UBASH3B: variants seen among roughly 807,000 people sequenced by gnomAD.
UBASH3B encodes ubiquitin associated and SH3 domain containing B.
In UBASH3B, 37 loss-of-function variants were observed where a neutral mutation model predicts 83.4. That is an observed-to-expected ratio of 0.44 (90% CI 0.34 to 0.58). The LOEUF (loss-of-function observed/expected upper bound fraction) is 0.58, where lower values mean the gene tolerates loss of function less well. Among genes scored for constraint, UBASH3B ranks in the 20% least tolerant of loss-of-function variants. The pLI, the probability that UBASH3B is intolerant of heterozygous loss-of-function variation, is 0.01. For missense variants in UBASH3B, 657 were observed against 827.2 expected (o/e 0.79, Z 2.52); for synonymous variants, 304 against 318.3 (o/e 0.96, Z 0.48).
chr11:122,767,306 T>TTTTTGTTTTGTTTTG (rs149424023), intron 1 of UBASH3B, among the ~76,000 whole-genome samples: 140 of 150,044 alleles, frequency 9.3e-4, no homozygotes, highest in African/African-American at 1.8e-3. Flanking sequence ...TAAAGGTTTC[T>TTTTTGTTTTGTTTTG]TTTTGTTTTG....
At position 122,759,094 on chromosome 11, in the gene UBASH3B, G is replaced by A. The variant is rs529984426; in HGVS notation, c.162-17125G>A. 2.0e-5 allele frequency among the ~76,000 whole-genome samples: 3 copies of A among 152,320 alleles called. No homozygotes were observed. The highest frequency in any genetic ancestry group is 1.9e-4 in the East Asian group (1 of 5,180). ...TTGCAGTCAAGGTGTTGGCCAGGCC[G>A]TGTTCTCACCAGAAAGCTTGACTAA... On this transcript the variant is annotated intron_variant, in intron 1 of 13. Transcript: ENST00000284273. This position sits in a 1 kb window ranked among gnomAD's most constrained non-coding sequence, Gnocchi z 4.1.
rs560563262 is a variant in UBASH3B, at chr11:122,717,924, C to T, written c.162-58295C>T. Among the ~76,000 whole-genome samples, 384 of 119,144 alleles carry T rather than the reference C, an allele frequency of 3.2e-3. 4 individuals carry two copies. Among genetic ancestry groups the T allele is most frequent in the African/African-American group, 0.01 (346 of 33,272 alleles). The allele number at this position is 119,144 out of a possible 152,430, so 78.2% of individuals were successfully genotyped here. On this transcript the variant is annotated intron_variant, in intron 1 of 13. Transcript: ENST00000284273. ...TTTCTTTCTTTCTTTTTTTTTTTTT[C>T]GGACAAGTCTCACTCTGTCACCAGT...
At chr11:122,760,522 G>A (rs1315787836) in intron 1 of UBASH3B, among the ~76,000 whole-genome samples, 27 of 152,004 alleles carry the variant, frequency 1.8e-4, no homozygotes, top group Admixed American at 9.2e-4. Flanking sequence ...CACCGCACCT[G>A]GCTAATTTTT....
At chr11:122,745,132 C>T (rs1861097412) in intron 1 of UBASH3B, among the ~76,000 whole-genome samples, 1 of 152,196 alleles carries the variant, frequency 6.6e-6, no homozygotes, top group African/African-American at 2.4e-5. Context: ...TCCATCCACA[C>T]TGAAAGACTC....
chr11:122,670,311 C>T (rs1002462007), intron 1 of UBASH3B, among the ~76,000 whole-genome samples: 28 of 152,142 alleles, frequency 1.8e-4, no homozygotes, highest in African/African-American at 6.5e-4. Context: ...CCTCCACCTG[C>T]TGCTGCCAGA....
intron 1 of UBASH3B, among the ~76,000 whole-genome samples, chr11:122,750,264 G>C (rs1253667603): frequency 6.6e-6 from 1 of 152,038 alleles, no homozygotes; most frequent in Non-Finnish European, 1.5e-5. Flanking sequence ...CAGTTGCAGG[G>C]CCCCCCCACC....
chr11:122,698,925 G>A (rs1031498035), intron 1 of UBASH3B, among the ~76,000 whole-genome samples: 2 of 151,938 alleles, frequency 1.3e-5, no homozygotes, highest in East Asian at 1.9e-4. Flanking sequence ...ATCTCGGCTC[G>A]CTGCAACATC....
At position 122,779,532 on chromosome 11, in the gene UBASH3B, C is replaced by T. The variant is rs759874178; in HGVS notation, c.438C>T (p.Ala146=). ...GCAAGGTGGATGCCCTGGGGGAAGCCCTGCAGACCACGGTCAGTCGCTGGA... is the reference window on the plus strand; with the variant it reads ...GCAAGGTGGATGCCCTGGGGGAAGCTCTGCAGACCACGGTCAGTCGCTGGA... The part of the protein sequence containing the change: ...EDSKVDALGE[A]LQTTVSRWKC... The change falls in exon 4 of 14, where the codon GCC becomes GCT. Residue 146 remains alanine, a synonymous_variant. Coordinates refer to ENST00000284273, the MANE Select transcript of UBASH3B (RefSeq NM_032873.5). 1 of 1,614,082 alleles carries T rather than the reference C, an allele frequency of 6.2e-7. No individual in the cohort carries two copies. The highest frequency in any genetic ancestry group is 8.5e-7 in the Non-Finnish European group (1 of 1,179,994).
chr11:122,656,106 C>T lies in UBASH3B; in HGVS notation c.57C>T (p.Tyr19=), dbSNP rs1863356979. Residue 19 remains tyrosine, a synonymous_variant, in exon 1 of 14, where the codon TAC becomes TAT. Coordinates refer to ENST00000284273, the MANE Select transcript of UBASH3B (RefSeq NM_032873.5). The part of the protein sequence containing the change: ...PLGMAAREEL[Y]SKVTPRRNRQ... Reference sequence around the variant, plus strand: ...GCATGGCTGCGAGAGAGGAGCTGTACAGCAAAGTCACCCCCCGGAGGAACC... The same window carrying T: ...GCATGGCTGCGAGAGAGGAGCTGTATAGCAAAGTCACCCCCCGGAGGAACC... 4 of 1,602,316 alleles carry T rather than the reference C, an allele frequency of 2.5e-6. No individual in the cohort carries two copies. The highest frequency in any genetic ancestry group is 1.3e-5 in the African/African-American group (1 of 74,338).
At chr11:122,678,563 A>G (rs1272916185) in intron 1 of UBASH3B, among the ~76,000 whole-genome samples, 5 of 152,140 alleles carry the variant, frequency 3.3e-5, no homozygotes, top group Admixed American at 6.6e-5. Context: ...ATGACTCACT[A>G]GTATATGTGA....
intron 1 of UBASH3B, among the ~76,000 whole-genome samples, chr11:122,679,252 A>G (rs1051325546): frequency 2.0e-5 from 3 of 152,228 alleles, no homozygotes; most frequent in African/African-American, 7.2e-5. Context: ...ACGATGGATG[A>G]GAAATCCTGG....
At position 122,656,045 on chromosome 11, in the gene UBASH3B, G is replaced by A; in HGVS notation, c.-5G>A. The A allele has an allele frequency of 6.3e-7, 1 of 1,584,200 alleles. No homozygotes were observed. The highest frequency in any genetic ancestry group is 8.6e-7 in the Non-Finnish European group (1 of 1,166,970). ...CCTTCCCTGGCGATGGCTGGCCGCT[G>A]AGCCATGGCTCAGTACGGCCACCCC... On this transcript the variant is annotated 5_prime_UTR_variant, in exon 1 of 14. An upstream open reading frame in the 5' UTR loses its in-frame stop. Transcript: ENST00000284273.
chr11:122,771,454 T>C (rs1860641113), intron 1 of UBASH3B, among the ~76,000 whole-genome samples: 1 of 152,184 alleles, frequency 6.6e-6, no homozygotes, highest in African/African-American at 2.4e-5. Flanking sequence ...TTGGTCAGGC[T>C]GGTCTCGAAC....
chr11:122,750,653 G>A lies in UBASH3B; in HGVS notation c.162-25566G>A, dbSNP rs373485077. 1.6e-4 allele frequency among the ~76,000 whole-genome samples: 24 copies of A among 152,326 alleles called. No homozygotes were observed. In the East Asian group the frequency reaches 2.9e-3, roughly 18 times the overall value. Reference sequence around the variant, plus strand: ...TTGCACCTGATGGTGGTTAATAGCCGTTTTGCATCTCTAGAGTCCATTTTT... The same window carrying A: ...TTGCACCTGATGGTGGTTAATAGCCATTTTGCATCTCTAGAGTCCATTTTT... On this transcript the variant is annotated intron_variant, in intron 1 of 13. Coordinates refer to ENST00000284273, the MANE Select transcript of UBASH3B (RefSeq NM_032873.5).
intron 1 of UBASH3B, among the ~76,000 whole-genome samples, chr11:122,766,538 G>A (rs1860541182): frequency 6.6e-6 from 1 of 150,994 alleles, no homozygotes; most frequent in Admixed American, 6.6e-5. Context: ...GAGCCAGCGA[G>A]ACTCCGTCTC....
At chr11:122,777,276 C>G in intron 3 of UBASH3B, 66 bp downstream of exon 3, 2 of 1,516,646 alleles carry the variant, frequency 1.3e-6, no homozygotes, top group Non-Finnish European at 1.8e-6. Context: ...CCTTTGGGAC[C>G]TGGAGCAAAG....
At chr11:122,746,271 C>T (rs1017662001) in intron 1 of UBASH3B, among the ~76,000 whole-genome samples, 3 of 152,262 alleles carry the variant, frequency 2.0e-5, no homozygotes, top group East Asian at 1.9e-4. Context: ...GAAACTCACA[C>T]GTCTATGGGT....
At chr11:122,657,308 T>A (rs1042983707) in intron 1 of UBASH3B, among the ~76,000 whole-genome samples, 3 of 152,174 alleles carry the variant, frequency 2.0e-5, no homozygotes, top group Non-Finnish European at 2.9e-5. Flanking sequence ...TATGTATTTA[T>A]TTTTCTGAGA....
chr11:122,691,407 A>G (rs1428822902), intron 1 of UBASH3B, among the ~76,000 whole-genome samples: 1 of 152,146 alleles, frequency 6.6e-6, no homozygotes, highest in Non-Finnish European at 1.5e-5. Context: ...CTTGGGTGCA[A>G]ACTAGAGGAA....
Sources: gnomAD v4.1 joint callset for allele counts (sites outside exome capture counted in the v4.1 genomes callset) on GRCh38, gnomAD v4.1.1 for gene constraint, Gnocchi (gnomAD v3.1) non-coding constraint, MANE v1.5 for transcripts, NCBI Gene and HGNC (gene_info 2026-07-23, HGNC 2026-07-21) for gene names.